Variants in MTUS2 observed in about 807,000 individuals in gnomAD.
MTUS2 encodes the protein microtubule-associated tumor suppressor candidate 2.
A neutral mutation model predicts 114.1 loss-of-function variants in MTUS2; 40 were observed. The ratio of observed to expected loss-of-function variants is 0.35; its 90% CI spans 0.27 to 0.46. The LOEUF is 0.46. Among genes scored for constraint, MTUS2 ranks in the 20% least tolerant of loss-of-function variants. The probability of loss-of-function intolerance (pLI) is 1.00; values close to 1 mark genes in which losing one functional copy is unlikely to be tolerated. For synonymous variants in MTUS2, 688 were observed against 672.0 expected (o/e 1.02, Z -0.37); for missense variants, 1,679 against 1,705.4 (o/e 0.98, Z 0.27).
intron 8 of MTUS2, among the ~76,000 whole-genome samples, chr13:29,375,553 ATAT>A (rs1871572763): frequency 5.6e-5 from 2 of 35,802 alleles, no homozygotes; most frequent in Non-Finnish European, 9.0e-5. Flanking sequence ...ATATATATAT[ATAT>A]ACGTATATAT....
intron 5 of MTUS2, among the ~76,000 whole-genome samples, chr13:29,116,701 C>T (rs192714609): frequency 4.6e-5 from 7 of 152,190 alleles, no homozygotes; most frequent in Admixed American, 1.3e-4. Context: ...GGCACTAAGA[C>T]GCCGCCACAG....
chr13:29,098,456 ACACACACACACATGTGCGTGCATG>A (rs1202619942), intron 4 of MTUS2, among the ~76,000 whole-genome samples: 1 of 113,818 alleles, frequency 8.8e-6, no homozygotes, highest in African/African-American at 3.1e-5. Context: ...AAACACACAC[ACACACACACACATGTGCGTGCATG>A]CACACACACA....
At chr13:28,914,201 G>A (rs115359862) in intron 2 of MTUS2, among the ~76,000 whole-genome samples, 1,753 of 151,984 alleles carry the variant, frequency 0.012, 31 homozygotes, top group African/African-American at 0.039. Context: ...AGTTTAATTT[G>A]AGATGTTTCA....
In MTUS2 at chr13:29,025,025, TGAAGA is replaced by T; in HGVS notation, c.329_333del (p.Glu110AlafsTer9). 1 of 1,613,968 alleles carries T rather than the reference TGAAGA, an allele frequency of 6.2e-7. No homozygotes were observed. Among genetic ancestry groups the T allele is most frequent in the Non-Finnish European group, 8.5e-7 (1 of 1,179,888 alleles). Reference sequence around the variant, plus strand: ...CTTCAACCATTCAGAGGGAACTCAATGAAGAGCACACAGTGGAGAGAGGCACAGAT... The same window carrying T: ...CTTCAACCATTCAGAGGGAACTCAATGCACACAGTGGAGAGAGGCACAGAT... On this transcript the variant is annotated frameshift_variant, in exon 3 of 16. Coordinates refer to ENST00000612955, the MANE Select transcript of MTUS2 (RefSeq NM_001033602.4). LOFTEE classifies it high-confidence loss of function.
At position 29,206,752 on chromosome 13, in the gene MTUS2, G is replaced by T. The variant is rs1170175313; in HGVS notation, c.2645-74952G>T. On this transcript the variant is annotated intron_variant, in intron 5 of 15. Transcript: ENST00000612955. ...GCTTTATTTCTGGGTTCTCTATTCTGTTCCATTGGTCTGTGAACCTATTTT... is the reference window on the plus strand; with the variant it reads ...GCTTTATTTCTGGGTTCTCTATTCTTTTCCATTGGTCTGTGAACCTATTTT... Among the ~76,000 whole-genome samples the T allele has an allele frequency of 2.0e-5, 3 of 152,094 alleles. No homozygotes were observed. The South Asian group carries it at 6.2e-4, about 31-fold the overall frequency.
intron 2 of MTUS2, among the ~76,000 whole-genome samples, chr13:28,929,380 T>C (rs1881492990): frequency 6.6e-6 from 1 of 152,212 alleles, no homozygotes; most frequent in Non-Finnish European, 1.5e-5. Flanking sequence ...CCAATGACAC[T>C]GATTTGATCT....
intron 4 of MTUS2, among the ~76,000 whole-genome samples, chr13:29,039,624 T>C (rs1725074486): frequency 6.6e-6 from 1 of 152,200 alleles, no homozygotes; most frequent in Non-Finnish European, 1.5e-5. Flanking sequence ...AGGTAGAAGA[T>C]AGAATTTCTG....
rs558672369 is a variant in MTUS2 at position 29,212,862 on chromosome 13, A to G, written c.2645-68842A>G. On this transcript the variant is annotated intron_variant, in intron 5 of 15. Transcript: ENST00000612955. ...AGGAATTTTTATAAGGCTCCGTCAC[A>G]TAGGCATGACTGACTATTAACTCAA... Among the ~76,000 whole-genome samples, 34 of 152,286 alleles carry G rather than the reference A, an allele frequency of 2.2e-4. 2 individuals are homozygous for G. The South Asian group carries it at 3.1e-3, about 14-fold the overall frequency.
Position 28,980,351 on chromosome 13 carries a change from T to C in MTUS2, c.-242-44106T>C, listed in dbSNP as rs573668324. On this transcript the variant is annotated intron_variant, in intron 2 of 15. Transcript: ENST00000612955. ...TTAGAAGGTATGCTTTGAGAAGTTTTACTGCCAACCCTGTTTTCGTTTGCC... is the reference window on the plus strand; with the variant it reads ...TTAGAAGGTATGCTTTGAGAAGTTTCACTGCCAACCCTGTTTTCGTTTGCC... Among the ~76,000 whole-genome samples, 4 of 152,338 alleles carry C rather than the reference T, an allele frequency of 2.6e-5. No individual in the cohort carries two copies. The South Asian group carries it at 8.3e-4, about 32-fold the overall frequency.
intron 2 of MTUS2, among the ~76,000 whole-genome samples, chr13:28,848,340 C>T (rs1239241139): frequency 6.6e-6 from 1 of 152,166 alleles, no homozygotes. Context: ...CCTTCCTAAG[C>T]CACTCATGGT....
chr13:29,368,894 A>G (rs761911159), intron 8 of MTUS2, among the ~76,000 whole-genome samples: 2 of 152,198 alleles, frequency 1.3e-5, no homozygotes, highest in Admixed American at 6.5e-5. Flanking sequence ...CTGACCTGGG[A>G]CAGCATCTTG....
chr13:28,955,205 T>C (rs2138189755), intron 2 of MTUS2, among the ~76,000 whole-genome samples: 1 of 152,358 alleles, frequency 6.6e-6, no homozygotes, highest in Middle Eastern at 3.4e-3. Context: ...CCCACAGTAA[T>C]ACCAGCCTGA....
intron 5 of MTUS2, among the ~76,000 whole-genome samples, chr13:29,185,277 G>A (rs1047854428): frequency 6.6e-6 from 1 of 152,052 alleles, no homozygotes; most frequent in African/African-American, 2.4e-5. Flanking sequence ...GAGCCTCAAA[G>A]GTCTATGGGA....
chr13:29,355,526 G>A (rs1436869174), intron 7 of MTUS2, among the ~76,000 whole-genome samples: 2 of 152,250 alleles, frequency 1.3e-5, no homozygotes, highest in African/African-American at 4.8e-5. Flanking sequence ...GGGCAAGGTG[G>A]TCAGAAGACC....
chr13:29,164,763 G>A (rs1893244615), intron 5 of MTUS2, among the ~76,000 whole-genome samples: 1 of 152,110 alleles, frequency 6.6e-6, no homozygotes, highest in Non-Finnish European at 1.5e-5. Context: ...TTATGTATTA[G>A]CCATATAAAG....
At chr13:29,328,624 A>G (rs1900630961) in intron 7 of MTUS2, among the ~76,000 whole-genome samples, 1 of 152,228 alleles carries the variant, frequency 6.6e-6, no homozygotes, top group Admixed American at 6.5e-5. Flanking sequence ...CAGCCCTCAG[A>G]GAGAATAGAT....
chr13:29,307,149 CT>C (rs1593284799), intron 6 of MTUS2: 1 of 486,034 alleles, frequency 2.1e-6, no homozygotes, highest in African/African-American at 1.9e-5. Context: ...TTTCTGCCCC[CT>C]CTGCCAACAC....
chr13:29,452,612 A>G (rs1263480792), intron 9 of MTUS2, among the ~76,000 whole-genome samples: 19 of 146,680 alleles, frequency 1.3e-4, no homozygotes, highest in African/African-American at 4.9e-4. Context: ...GTGTGTATAT[A>G]TATATATATT....
intron 6 of MTUS2, among the ~76,000 whole-genome samples, chr13:29,297,213 G>T (rs772845972): frequency 1.3e-5 from 2 of 152,148 alleles, no homozygotes; most frequent in Non-Finnish European, 2.9e-5. Context: ...TTTACCTAAT[G>T]AATGTCCTTG....
Sources: allele counts gnomAD v4.1 joint callset (sites outside exome capture counted in the v4.1 genomes callset), GRCh38; gene constraint gnomAD v4.1.1; transcripts MANE v1.5; gene names NCBI Gene and HGNC (gene_info 2026-07-23, HGNC 2026-07-21).